Variants in AVL9 observed in about 807,000 individuals in gnomAD.
The protein encoded by AVL9 is late secretory pathway protein AVL9 homolog.
AVL9 carries 49 observed loss-of-function variants against 79.2 expected under a neutral mutation model. The ratio of observed to expected loss-of-function variants is 0.62; its 90% CI spans 0.49 to 0.79. The LOEUF (loss-of-function observed/expected upper bound fraction) is 0.79. Among genes scored for constraint, AVL9 ranks in the 30% least tolerant of loss-of-function variants. The pLI is 0.00. For synonymous variants in AVL9, 299 were observed against 280.6 expected, an observed-to-expected ratio of 1.07 and a Z score of -0.65; for missense variants, 682 against 776.8, an observed-to-expected ratio of 0.88 and a Z score of 1.45.
chr7:32,570,004 C>G lies in AVL9; in HGVS notation c.1216-16C>G, dbSNP rs1358540356. ...TTTACTTTTCTGATATTTTCTATTACTCTTCTAATTCATAGGGATATCTGT... is the reference window on the plus strand; with the variant it reads ...TTTACTTTTCTGATATTTTCTATTAGTCTTCTAATTCATAGGGATATCTGT... On this transcript the variant is annotated splice_polypyrimidine_tract_variant and intron_variant, in intron 10 of 15. Coordinates refer to ENST00000318709, the MANE Select transcript of AVL9 (RefSeq NM_015060.3). 6.2e-7 allele frequency: 1 copy of G among 1,612,722 alleles called. No homozygotes were observed. Among genetic ancestry groups the G allele is most frequent in the Admixed American group, 1.7e-5 (1 of 59,910 alleles).
At position 32,559,142 on chromosome 7, in the gene AVL9, T is replaced by A. The variant is rs756154302; in HGVS notation, c.893T>A (p.Phe298Tyr). The A allele has an allele frequency of 1.9e-6, 3 of 1,614,112 alleles. No individual in the cohort carries two copies. The highest frequency in any genetic ancestry group is 2.5e-6 in the Non-Finnish European group (3 of 1,180,000). ...GCCATGAAGACTGAGGAGCCTTTGT[T>A]CCAAGTGGAAGACAGCAGCAAAGGG... ...DAAMKTEEPL[F>Y]QVEDSSKGQE... The change falls in exon 10 of 16, where the codon TTC (phenylalanine) becomes TAC (tyrosine). Residue 298 changes from phenylalanine (F) to tyrosine (Y), a missense_variant. Physicochemically the swap from Phe to Tyr is conservative, Grantham distance 22. Coordinates refer to ENST00000318709, the MANE Select transcript of AVL9 (RefSeq NM_015060.3).
intron 1 of AVL9, among the ~76,000 whole-genome samples, chr7:32,501,001 A>G (rs1003129859): frequency 3.9e-5 from 6 of 152,216 alleles, no homozygotes; most frequent in African/African-American, 1.4e-4. Flanking sequence ...AGCTAGAACT[A>G]ATCTTAACAC....
chr7:32,517,810 T>TG (rs1452350140), intron 1 of AVL9, among the ~76,000 whole-genome samples: 11 of 74,326 alleles, frequency 1.5e-4, no homozygotes, highest in African/African-American at 3.7e-4. Context: ...TTTGCTTGTG[T>TG]GTTTTTTTTT....
chr7:32,512,277 T>A (rs1372515511), intron 1 of AVL9, among the ~76,000 whole-genome samples: 3 of 152,240 alleles, frequency 2.0e-5, no homozygotes, highest in Non-Finnish European at 4.4e-5. Flanking sequence ...GGAGAGCAGT[T>A]CTGAAGCAGG....
Position 32,503,373 on chromosome 7 carries a change from T to TACAC in AVL9, c.93+7601_93+7604dup, listed in dbSNP as rs1185553909. ...ATAGATATAGAGAGATATATATATA[T>TACAC]ACACACACACACACACACACACACA... On this transcript the variant is annotated intron_variant, in intron 1 of 15. Transcript: ENST00000318709. Among the ~76,000 whole-genome samples the TACAC allele has an allele frequency of 1.2e-3, 122 of 105,812 alleles. 2 individuals are homozygous for TACAC. The highest frequency in any genetic ancestry group is 9.9e-3 in the Middle Eastern group (2 of 202). 69.4% of individuals were successfully genotyped at this position (105,812 alleles called of 152,430 possible).
chr7:32,530,778 T>C (rs1277933686), intron 1 of AVL9, among the ~76,000 whole-genome samples: 4 of 152,080 alleles, frequency 2.6e-5, no homozygotes, highest in Non-Finnish European at 4.4e-5. Flanking sequence ...TAAAACCCCA[T>C]CTCTGCTATT....
intron 10 of AVL9, among the ~76,000 whole-genome samples, chr7:32,564,396 G>C (rs1790463563): frequency 6.6e-6 from 1 of 152,026 alleles, no homozygotes; most frequent in Admixed American, 6.6e-5. Context: ...TTGTCTTTAG[G>C]CTTTTTTCTC....
At chr7:32,504,963 T>G (rs1328879115) in intron 1 of AVL9, among the ~76,000 whole-genome samples, 1 of 152,034 alleles carries the variant, frequency 6.6e-6, no homozygotes, top group Non-Finnish European at 1.5e-5. Context: ...AACCTCCACC[T>G]CCTGGGTACA....
rs1472824877 is a variant in AVL9 at position 32,503,367 on chromosome 7, TATATATACAC to T, written c.93+7567_93+7576del. ...ATAGATATAGATATAGAGAGATATA[TATATATACAC>T]ACACACACACACACACACACACACA... On this transcript the variant is annotated intron_variant, in intron 1 of 15. Coordinates refer to ENST00000318709, the MANE Select transcript of AVL9 (RefSeq NM_015060.3). Among the ~76,000 whole-genome samples the T allele has an allele frequency of 2.0e-4, 18 of 88,316 alleles. 1 individual carries two copies. Among genetic ancestry groups the T allele is most frequent in the South Asian group, 4.2e-4 (1 of 2,384 alleles). 57.9% of individuals were successfully genotyped at this position (88,316 alleles called of 152,430 possible). A position where few individuals can be genotyped will look rare whatever the true frequency, so the allele number is the denominator to read the frequency against.
At chr7:32,527,693 C>G (rs1041703019) in intron 1 of AVL9, among the ~76,000 whole-genome samples, 2 of 152,142 alleles carry the variant, frequency 1.3e-5, no homozygotes, top group Non-Finnish European at 2.9e-5. Context: ...CCACGGCAGG[C>G]TGCTATGCCA....
At chr7:32,520,053 C>T (rs1482581324) in intron 1 of AVL9, among the ~76,000 whole-genome samples, 1 of 152,222 alleles carries the variant, frequency 6.6e-6, no homozygotes, top group African/African-American at 2.4e-5. Context: ...CCAGGTCCCT[C>T]CCCTGACATT....
At chr7:32,519,928 G>C (rs994705787) in intron 1 of AVL9, among the ~76,000 whole-genome samples, 1 of 152,122 alleles carries the variant, frequency 6.6e-6, no homozygotes, top group Non-Finnish European at 1.5e-5. Flanking sequence ...GGAAGTGTGA[G>C]AGAGAGAGTG....
intron 8 of AVL9, among the ~76,000 whole-genome samples, chr7:32,556,991 T>C (rs1405664816): frequency 3.3e-5 from 5 of 152,186 alleles, no homozygotes; most frequent in African/African-American, 1.2e-4. Context: ...TCATAATACC[T>C]TGAAAGTAAT....
intron 1 of AVL9, chr7:32,536,873 G>A (rs549922233): frequency 1.3e-5 from 2 of 152,344 alleles, no homozygotes; most frequent in South Asian, 4.1e-4. Context: ...CAACCAGATG[G>A]AAGAGATGAA....
chr7:32,579,597 ATATAT>A lies in AVL9; in HGVS notation c.1689-611_1689-607del, dbSNP rs1562802646. Among the ~76,000 whole-genome samples, 37 of 17,518 alleles carry A rather than the reference ATATAT, an allele frequency of 2.1e-3. 12 individuals carry two copies. Among genetic ancestry groups the A allele is most frequent in the African/African-American group, 4.7e-3 (28 of 5,930 alleles). The allele number at this position is 17,518 out of a possible 152,430, so 11.5% of individuals were successfully genotyped here. On this transcript the variant is annotated intron_variant, in intron 13 of 15. Transcript: ENST00000318709. Reference sequence around the variant, plus strand: ...TATTATATATTATATATTATATATTATATATTATATTATATATTATATATATATAA... The same window carrying A: ...TATTATATATTATATATTATATATTATATATTATATATTATATATATATAA...
Position 32,583,919 on chromosome 7 carries a change from G to C in AVL9, c.*12G>C, listed in dbSNP as rs1299679626. The C allele has an allele frequency of 6.3e-7, 1 of 1,593,842 alleles. No individual in the cohort carries two copies. Among genetic ancestry groups the C allele is most frequent in the Non-Finnish European group, 8.6e-7 (1 of 1,161,716 alleles). On this transcript the variant is annotated 3_prime_UTR_variant, in exon 16 of 16. Coordinates refer to ENST00000318709, the MANE Select transcript of AVL9 (RefSeq NM_015060.3). ...ATGAGAAGCCTTGAGCAAGGCGTCA[G>C]AGGCTGCTATTGCTTTCTGAGGTTT... is the stretch of plus-strand genomic sequence containing the variant.
intron 1 of AVL9, among the ~76,000 whole-genome samples, chr7:32,528,375 A>G (rs565160957): frequency 3.3e-4 from 50 of 152,326 alleles, no homozygotes; most frequent in African/African-American, 1.0e-3. Flanking sequence ...ACCTTGCAAA[A>G]TAAACTTTCT....
chr7:32,508,018 T>A (rs1360497571), intron 1 of AVL9, among the ~76,000 whole-genome samples: 1 of 152,242 alleles, frequency 6.6e-6, no homozygotes, highest in African/African-American at 2.4e-5. Context: ...GTCATTGGGC[T>A]ATCCTCTTTT....
At chr7:32,553,076 G>A (rs1789905807) in intron 6 of AVL9, among the ~76,000 whole-genome samples, 1 of 152,146 alleles carries the variant, frequency 6.6e-6, no homozygotes, top group Admixed American at 6.5e-5. Context: ...ATTTCAGCAT[G>A]CAGTTGCCAA....
Sources: gnomAD v4.1 joint callset for allele counts (sites outside exome capture counted in the v4.1 genomes callset) on GRCh38, gnomAD v4.1.1 for gene constraint, MANE v1.5 for transcripts, NCBI Gene and HGNC (gene_info 2026-07-23, HGNC 2026-07-21) for gene names.